KCNB2: variants seen among roughly 807,000 people sequenced by gnomAD.
KCNB2 encodes the protein delayed rectifier potassium channel protein.
A neutral mutation model predicts 61.5 loss-of-function variants in KCNB2; 15 were observed. The observed-to-expected ratio is 0.24, with a 90% CI of 0.16 to 0.38. The LOEUF (loss-of-function observed/expected upper bound fraction) is 0.38. Ranked by LOEUF, KCNB2 falls within the 10% of genes least tolerant of loss-of-function variation. The pLI is 1.00. For synonymous variants in KCNB2, 457 were observed against 446.0 expected (o/e 1.02, Z -0.31); for missense variants, 828 against 1,125.2 (o/e 0.74, Z 3.78).
At chr8:72,789,821 A>C (rs1279433096) in intron 2 of KCNB2, among the ~76,000 whole-genome samples, 1 of 152,108 alleles carries the variant, frequency 6.6e-6, no homozygotes. Context: ...CCAGTTCACC[A>C]CTATAGTAGG....
intron 2 of KCNB2, among the ~76,000 whole-genome samples, chr8:72,614,549 A>T (rs952189971): frequency 2.0e-5 from 3 of 152,234 alleles, no homozygotes; most frequent in Non-Finnish European, 4.4e-5. Context: ...GCGCAGCAGC[A>T]TAGATGCCAG....
chr8:72,544,738 G>T (rs939136484), intron 1 of KCNB2, among the ~76,000 whole-genome samples: 1 of 152,194 alleles, frequency 6.6e-6, no homozygotes, highest in Non-Finnish European at 1.5e-5. Flanking sequence ...GTGGTTAATA[G>T]AGTGGACATT....
At chr8:72,715,443 GAAA>G (rs1174359908) in intron 2 of KCNB2, among the ~76,000 whole-genome samples, 1 of 151,286 alleles carries the variant, frequency 6.6e-6, no homozygotes, top group Non-Finnish European at 1.5e-5. Context: ...TAAAAGAACA[GAAA>G]TTATAACAAA....
chr8:72,748,430 G>A (rs545870602), intron 2 of KCNB2, among the ~76,000 whole-genome samples: 15 of 151,952 alleles, frequency 9.9e-5, no homozygotes, highest in Non-Finnish European at 1.8e-4. Context: ...TCATTGATTC[G>A]TTTTATAATA....
At chr8:72,570,352 C>T (rs1806689781) in intron 2 of KCNB2, among the ~76,000 whole-genome samples, 1 of 152,120 alleles carries the variant, frequency 6.6e-6, no homozygotes, top group Admixed American at 6.5e-5. Context: ...TGATTCTTTA[C>T]TAAATTTCCA....
intron 2 of KCNB2, among the ~76,000 whole-genome samples, chr8:72,874,690 C>T (rs1280597242): frequency 6.6e-6 from 1 of 152,228 alleles, no homozygotes; most frequent in Non-Finnish European, 1.5e-5. Flanking sequence ...CAAACAACAT[C>T]TGTTGCAGTC....
intron 2 of KCNB2, among the ~76,000 whole-genome samples, chr8:72,600,744 A>G (rs1350027190): frequency 6.6e-6 from 1 of 152,126 alleles, no homozygotes; most frequent in African/African-American, 2.4e-5. Flanking sequence ...TGAACAGAAA[A>G]TCAAATATCA....
At chr8:72,556,793 G>T (rs1441395183) in intron 1 of KCNB2, among the ~76,000 whole-genome samples, 1 of 152,144 alleles carries the variant, frequency 6.6e-6, no homozygotes, top group African/African-American at 2.4e-5. Flanking sequence ...GAAGCGGTCT[G>T]CTTTGAGGCT....
intron 2 of KCNB2, among the ~76,000 whole-genome samples, chr8:72,599,239 A>T (rs1209874064): frequency 6.6e-6 from 1 of 152,216 alleles, no homozygotes. Context: ...TGGTACTGCT[A>T]CCAAAACAGA....
intron 2 of KCNB2, among the ~76,000 whole-genome samples, chr8:72,737,608 T>A (rs185170416): frequency 2.0e-5 from 3 of 152,308 alleles, no homozygotes; most frequent in Admixed American, 2.0e-4. Context: ...ACATCATGAT[T>A]GAGGTATTGA....
At chr8:72,825,999 CCTTTT>C (rs1809589737) in intron 2 of KCNB2, among the ~76,000 whole-genome samples, 1 of 151,468 alleles carries the variant, frequency 6.6e-6, no homozygotes. Context: ...GTTTCCATTA[CCTTTT>C]CTTTTAAGAG....
chr8:72,805,228 G>A (rs1378226644), intron 2 of KCNB2, among the ~76,000 whole-genome samples: 1 of 152,008 alleles, frequency 6.6e-6, no homozygotes, highest in African/African-American at 2.4e-5. Context: ...ATAATGAAGA[G>A]GAAAAATAAA....
At position 72,871,751 on chromosome 8, in the gene KCNB2, G is replaced by A. The variant is rs552665395; in HGVS notation, c.580-64184G>A. On this transcript the variant is annotated intron_variant, in intron 2 of 2. Coordinates refer to ENST00000523207, the MANE Select transcript of KCNB2 (RefSeq NM_004770.3). The stretch of plus-strand genomic sequence containing the variant: ...TCTGAAATTAAAAAGGGCTTTCAAG[G>A]TATATGATTTAAATGGATAAATTGC... Among the ~76,000 whole-genome samples the A allele has an allele frequency of 7.2e-5, 11 of 152,196 alleles. No homozygotes were observed. In the South Asian group the frequency reaches 1.9e-3, roughly 26 times the overall value.
rs1160573249 is a variant in KCNB2, at chr8:72,723,494, C to T, written c.579+155181C>T. On this transcript the variant is annotated intron_variant, in intron 2 of 2. Coordinates refer to ENST00000523207, the MANE Select transcript of KCNB2 (RefSeq NM_004770.3). ...TGCGCTCTCACAGGAAGTGATTGTC[C>T]TCATGGTCTCCCTGGACACAGGAAG... 2.0e-5 allele frequency among the ~76,000 whole-genome samples: 3 copies of T among 152,130 alleles called. No individual in the cohort carries two copies. The East Asian group carries it at 5.8e-4, about 29-fold the overall frequency.
intron 2 of KCNB2, among the ~76,000 whole-genome samples, chr8:72,774,043 C>T (rs1055491476): frequency 6.6e-6 from 1 of 152,118 alleles, no homozygotes; most frequent in Non-Finnish European, 1.5e-5. Context: ...TGCTACTGGA[C>T]CAAGGGCTTT....
At chr8:72,798,135 A>C (rs921770877) in intron 2 of KCNB2, among the ~76,000 whole-genome samples, 1 of 151,930 alleles carries the variant, frequency 6.6e-6, no homozygotes, top group Middle Eastern at 3.2e-3. Context: ...CTAAGCAGCA[A>C]CTTACATCTT....
chr8:72,827,703 C>G lies in KCNB2; in HGVS notation c.580-108232C>G, dbSNP rs139985351. Among the ~76,000 whole-genome samples, 438 of 152,094 alleles carry G rather than the reference C, an allele frequency of 2.9e-3. 3 individuals carry two copies. The highest frequency in any genetic ancestry group is 7.7e-3 in the African/African-American group (318 of 41,484). On this transcript the variant is annotated intron_variant, in intron 2 of 2. Transcript: ENST00000523207. ...TCAATTTTAATGAATATTGTTCTTTCTACAACAAAATATCTTTCTAATTGC... is the reference window on the plus strand; with the variant it reads ...TCAATTTTAATGAATATTGTTCTTTGTACAACAAAATATCTTTCTAATTGC...
At chr8:72,888,371 A>G (rs1357071871) in intron 2 of KCNB2, among the ~76,000 whole-genome samples, 2 of 152,154 alleles carry the variant, frequency 1.3e-5, no homozygotes, top group Admixed American at 6.5e-5. Context: ...GCAGCTTCCC[A>G]AAGTGCTAGG....
At chr8:72,581,660 G>C (rs984978135) in intron 2 of KCNB2, among the ~76,000 whole-genome samples, 6 of 152,184 alleles carry the variant, frequency 3.9e-5, no homozygotes, top group Non-Finnish European at 7.3e-5. Context: ...ATGTCTTCCT[G>C]GTTTTAAATG....
Sources: allele counts gnomAD v4.1 joint callset (sites outside exome capture counted in the v4.1 genomes callset), GRCh38; gene constraint gnomAD v4.1.1; transcripts MANE v1.5; gene names NCBI Gene and HGNC (gene_info 2026-07-23, HGNC 2026-07-21).